Variants in TFPI observed in about 807,000 individuals in gnomAD.
The protein encoded by TFPI is tissue factor pathway inhibitor, also known as anti-convertin.
A neutral mutation model predicts 34.6 loss-of-function variants in TFPI; 15 were observed. The ratio of observed to expected loss-of-function variants is 0.43; its 90% CI spans 0.29 to 0.67. The LOEUF is 0.67. Ranked by LOEUF, TFPI falls within the 30% of genes least tolerant of loss-of-function variation. TFPI has a pLI of 0.15. For synonymous variants in TFPI, 105 were observed against 120.1 expected (o/e 0.87, Z 0.82); for missense variants, 301 against 364.0 (o/e 0.83, Z 1.41).
chr2:187,527,676 A>G (rs1687749048), intron 1 of TFPI, among the ~76,000 whole-genome samples: 1 of 152,192 alleles, frequency 6.6e-6, no homozygotes, highest in African/African-American at 2.4e-5. Flanking sequence ...ATTTGGCTGT[A>G]TGCTGAATAT....
At chr2:187,524,269 G>A (rs569613927) in intron 1 of TFPI, among the ~76,000 whole-genome samples, 4 of 151,978 alleles carry the variant, frequency 2.6e-5, no homozygotes, top group South Asian at 4.1e-4. Context: ...TATATAACTC[G>A]GGGTAAAATT....
intron 1 of TFPI, among the ~76,000 whole-genome samples, chr2:187,535,205 C>T (rs1688185034): frequency 6.6e-6 from 1 of 152,124 alleles, no homozygotes; most frequent in Non-Finnish European, 1.5e-5. Flanking sequence ...AAAGGATATC[C>T]AGGAGCTGAA....
chr2:187,542,525 T>C (rs1014581330), intron 1 of TFPI, among the ~76,000 whole-genome samples: 1 of 152,086 alleles, frequency 6.6e-6, no homozygotes, highest in Non-Finnish European at 1.5e-5. Context: ...AATGTGAAGG[T>C]TTGATGTTCT....
intron 4 of TFPI, among the ~76,000 whole-genome samples, chr2:187,486,302 T>C (rs1574401938): frequency 6.6e-6 from 1 of 151,666 alleles, no homozygotes; most frequent in East Asian, 1.9e-4. Flanking sequence ...TTTGTTTTAG[T>C]CTTAATGTGT....
At chr2:187,541,978 C>T (rs1459404934) in intron 1 of TFPI, among the ~76,000 whole-genome samples, 1 of 152,108 alleles carries the variant, frequency 6.6e-6, no homozygotes. Flanking sequence ...ACAATGGCAT[C>T]ACAAGTAACC....
At chr2:187,473,828 T>G (rs928532995) in intron 6 of TFPI, among the ~76,000 whole-genome samples, 1 of 151,258 alleles carries the variant, frequency 6.6e-6, no homozygotes, top group African/African-American at 2.4e-5. Flanking sequence ...CGCATGTGTA[T>G]ACTGGGCCAC....
intron 1 of TFPI, among the ~76,000 whole-genome samples, chr2:187,538,493 C>T (rs989341535): frequency 2.0e-5 from 3 of 152,134 alleles, no homozygotes; most frequent in African/African-American, 7.2e-5. Flanking sequence ...GAACAGAAAA[C>T]CAAACACTGC....
At chr2:187,505,203 C>T (rs1206711189) in intron 1 of TFPI, among the ~76,000 whole-genome samples, 1 of 152,002 alleles carries the variant, frequency 6.6e-6, no homozygotes, top group Non-Finnish European at 1.5e-5. Flanking sequence ...GTATAAAATA[C>T]AGAGTGTACT....
chr2:187,512,027 C>T (rs1686675572), intron 1 of TFPI, among the ~76,000 whole-genome samples: 1 of 152,016 alleles, frequency 6.6e-6, no homozygotes, highest in Non-Finnish European at 1.5e-5. Context: ...AAGGTATTAT[C>T]CATAACCCTA....
At chr2:187,549,352 A>G (rs1689012885) in intron 1 of TFPI, among the ~76,000 whole-genome samples, 1 of 152,138 alleles carries the variant, frequency 6.6e-6, no homozygotes, top group Non-Finnish European at 1.5e-5. Flanking sequence ...AGGAAGGACA[A>G]TTACAGGAAA....
chr2:187,468,909 C>T (rs766551804), intron 6 of TFPI, among the ~76,000 whole-genome samples: 2 of 151,820 alleles, frequency 1.3e-5, no homozygotes, highest in Non-Finnish European at 2.9e-5. Flanking sequence ...GTGATACAAG[C>T]AAATACAGAG....
intron 3 of TFPI, among the ~76,000 whole-genome samples, chr2:187,490,611 A>G (rs1309984229): frequency 6.6e-6 from 1 of 151,426 alleles, no homozygotes; most frequent in Non-Finnish European, 1.5e-5. Context: ...CTTATTTTTA[A>G]AGGGCCTTTC....
At chr2:187,544,526 T>C (rs1688750945) in intron 1 of TFPI, 2 of 152,108 alleles carry the variant, frequency 1.3e-5, no homozygotes, top group Non-Finnish European at 2.9e-5. Flanking sequence ...TGCAGATTTG[T>C]TGACTAAATG....
intron 1 of TFPI, among the ~76,000 whole-genome samples, chr2:187,545,296 G>A (rs1688801917): frequency 6.6e-6 from 1 of 151,910 alleles, no homozygotes; most frequent in African/African-American, 2.4e-5. Flanking sequence ...GCAATACCAG[G>A]CAAAATGAGT....
intron 1 of TFPI, chr2:187,514,629 G>A (rs888131182): frequency 1.2e-4 from 18 of 152,234 alleles, no homozygotes; most frequent in African/African-American, 4.8e-5. Flanking sequence ...ATGTGTGGTG[G>A]TATTGTGGTG....
intron 1 of TFPI, chr2:187,544,566 A>G (rs1252488470): frequency 6.7e-6 from 1 of 148,188 alleles, no homozygotes; most frequent in Non-Finnish European, 1.5e-5. Flanking sequence ...GCTTGAGCCC[A>G]GGGGGCGAAG....
intron 4 of TFPI, among the ~76,000 whole-genome samples, chr2:187,485,295 G>A (rs1693182653): frequency 6.6e-6 from 1 of 151,520 alleles, no homozygotes; most frequent in Non-Finnish European, 1.5e-5. Flanking sequence ...AAAACATTAT[G>A]GCAAAAATGT....
chr2:187,486,314 C>G (rs942784187), intron 4 of TFPI, among the ~76,000 whole-genome samples: 2 of 151,344 alleles, frequency 1.3e-5, no homozygotes, highest in Non-Finnish European at 3.0e-5. Flanking sequence ...TTAATGTGTA[C>G]TTTTTATGAA....
intron 6 of TFPI, among the ~76,000 whole-genome samples, chr2:187,470,578 G>A (rs919900790): frequency 6.6e-6 from 1 of 152,168 alleles, no homozygotes; most frequent in Non-Finnish European, 1.5e-5. Context: ...CACAGATGTG[G>A]TGGAGAGACA....
Sources: allele counts gnomAD v4.1 joint callset (sites outside exome capture counted in the v4.1 genomes callset), GRCh38; gene constraint gnomAD v4.1.1; transcripts MANE v1.5; gene names NCBI Gene and HGNC (gene_info 2026-07-23, HGNC 2026-07-21).